PLPP3: variants seen among roughly 807,000 people sequenced by gnomAD.
PLPP3 encodes the protein PAP2 beta.
A neutral mutation model predicts 29.6 loss-of-function variants in PLPP3; 6 were observed. The observed-to-expected ratio is 0.20, with a 90% CI of 0.11 to 0.40. PLPP3 has a LOEUF of 0.40. Ranked by LOEUF, PLPP3 falls within the 10% of genes least tolerant of loss-of-function variation. PLPP3 has a pLI of 1.00. For missense variants in PLPP3, 308 were observed against 407.7 expected (o/e 0.76, Z 2.11); for synonymous variants, 152 against 159.7 (o/e 0.95, Z 0.36).
At chr1:56,576,139 A>G (rs1455823592) in intron 1 of PLPP3, among the ~76,000 whole-genome samples, 1 of 152,196 alleles carries the variant, frequency 6.6e-6, no homozygotes, top group Non-Finnish European at 1.5e-5. Context: ...TATGTGAAAC[A>G]AGTTAAACTA....
chr1:56,549,222 T>C (rs1331154281), intron 1 of PLPP3, among the ~76,000 whole-genome samples: 3 of 152,194 alleles, frequency 2.0e-5, no homozygotes, highest in East Asian at 3.8e-4. Flanking sequence ...TTCTATTCTG[T>C]GTGGCCGTTC....
intron 4 of PLPP3, among the ~76,000 whole-genome samples, chr1:56,519,117 G>A (rs1000176281): frequency 6.6e-6 from 1 of 152,068 alleles, no homozygotes; most frequent in African/African-American, 2.4e-5. Context: ...GAGGAGCTGG[G>A]ACTGATCCCA....
intron 2 of PLPP3, among the ~76,000 whole-genome samples, chr1:56,530,103 TCTTA>T (rs1645877579): frequency 6.6e-6 from 1 of 150,552 alleles, no homozygotes; most frequent in African/African-American, 2.4e-5. Context: ...TACTGCAACC[TCTTA>T]CTCTTTTTTT....
chr1:56,556,990 GAAAGAA>G (rs1171938814), intron 1 of PLPP3, among the ~76,000 whole-genome samples: 1 of 7,472 alleles, frequency 1.3e-4, no homozygotes, highest in African/African-American at 3.5e-4. Context: ...AAGAAAGAAA[GAAAGAA>G]AGAAAGAAAG....
chr1:56,502,782 G>A (rs1645676942), intron 5 of PLPP3, among the ~76,000 whole-genome samples: 1 of 152,172 alleles, frequency 6.6e-6, no homozygotes, highest in African/African-American at 2.4e-5. Flanking sequence ...TCTAGACTGA[G>A]CTAGCTACTC....
At chr1:56,513,467 G>A (rs1645759437) in intron 4 of PLPP3, 1 of 152,626 alleles carries the variant, frequency 6.6e-6, no homozygotes, top group South Asian at 2.1e-4. Context: ...TGGCAGTGCT[G>A]AAGACATGAG....
At chr1:56,568,511 T>TG (rs1646176248) in intron 1 of PLPP3, among the ~76,000 whole-genome samples, 1 of 152,236 alleles carries the variant, frequency 6.6e-6, no homozygotes, top group South Asian at 2.1e-4. Context: ...AAGCATTTAC[T>TG]AATAGATTTC....
intron 1 of PLPP3, among the ~76,000 whole-genome samples, chr1:56,560,151 A>G (rs577074419): frequency 1.3e-5 from 2 of 152,164 alleles, no homozygotes; most frequent in Non-Finnish European, 2.9e-5. Flanking sequence ...CATCTACTCC[A>G]GAAGATTCAA....
intron 1 of PLPP3, among the ~76,000 whole-genome samples, chr1:56,555,158 G>C (rs12137981): frequency 6.1e-4 from 93 of 152,048 alleles, no homozygotes; most frequent in Middle Eastern, 3.4e-3. Context: ...CCACTCACAG[G>C]CTTCAATCTC....
intron 4 of PLPP3, among the ~76,000 whole-genome samples, chr1:56,514,870 G>C (rs998308134): frequency 1.8e-4 from 28 of 152,240 alleles, no homozygotes; most frequent in African/African-American, 6.5e-4. Flanking sequence ...AGCTATATAG[G>C]CCAAAGACTA....
chr1:56,550,091 T>C (rs1005017450), intron 1 of PLPP3, among the ~76,000 whole-genome samples: 11 of 152,158 alleles, frequency 7.2e-5, no homozygotes, highest in African/African-American at 2.6e-4. Flanking sequence ...CCACCAGATA[T>C]TCTATCTTTA....
At chr1:56,574,896 A>C (rs1006265205) in intron 1 of PLPP3, among the ~76,000 whole-genome samples, 3 of 152,236 alleles carry the variant, frequency 2.0e-5, no homozygotes, top group African/African-American at 7.2e-5. Context: ...CTAGAAGGAC[A>C]CTGAAAGATG....
chr1:56,556,573 G>T (rs1479379275), intron 1 of PLPP3, among the ~76,000 whole-genome samples: 2 of 151,882 alleles, frequency 1.3e-5, no homozygotes, highest in East Asian at 1.9e-4. Context: ...CATCAATAAT[G>T]ATAAATTAAT....
intron 1 of PLPP3, among the ~76,000 whole-genome samples, chr1:56,543,930 C>T (rs1400207090): frequency 6.6e-6 from 1 of 152,122 alleles, no homozygotes; most frequent in Non-Finnish European, 1.5e-5. Flanking sequence ...TTCCTGACCC[C>T]AAATCAAGGT....
chr1:56,572,041 T>C (rs1456993934), intron 1 of PLPP3, among the ~76,000 whole-genome samples: 28 of 113,704 alleles, frequency 2.5e-4, no homozygotes, highest in Non-Finnish European at 4.3e-4. Flanking sequence ...CAATCATTTC[T>C]GGTTTTTTTT....
intron 1 of PLPP3, among the ~76,000 whole-genome samples, chr1:56,566,747 G>A (rs142477366): frequency 9.0e-4 from 137 of 152,180 alleles, no homozygotes; most frequent in African/African-American, 3.0e-3. Flanking sequence ...TAATATTTGA[G>A]GTTTAATTTT....
rs751819679 is a variant in PLPP3 at position 56,524,535 on chromosome 1, T to C, written c.317A>G (p.Tyr106Cys). 2 of 1,610,462 alleles carry C rather than the reference T, an allele frequency of 1.2e-6. No individual in the cohort carries two copies. The highest frequency in any genetic ancestry group is 4.5e-5 in the East Asian group (2 of 44,758). ...CGACTTCTTCAGGTAATAGATCCGG[T>C]AGAATTCCCCCGTGATGATCTAAAA... ...AILAIITGEF[Y>C]RIYYLKKSRS... The change falls in exon 3 of 6, where the codon TAC (tyrosine) becomes TGC (cysteine). Residue 106 changes from tyrosine (Y) to cysteine (C), a missense_variant. Around this residue, in one of 3 missense-constraint regions of PLPP3, gnomAD observed 232 missense variants for 317.2 expected, o/e 0.73. Transcript: ENST00000371250. The surrounding 1 kb of genome is among the most constrained non-coding windows in gnomAD (Gnocchi z 4.3).
At chr1:56,549,108 G>A (rs952007326) in intron 1 of PLPP3, among the ~76,000 whole-genome samples, 3 of 152,186 alleles carry the variant, frequency 2.0e-5, no homozygotes, top group African/African-American at 7.2e-5. Context: ...AGATGTTAAT[G>A]TTGTTAAATC....
rs1645625869 is a variant in PLPP3 at position 56,495,530 on chromosome 1, T to C, written c.*1021A>G. 1 of 152,746 alleles carries C rather than the reference T, an allele frequency of 6.5e-6. No homozygotes were observed. Among genetic ancestry groups the C allele is most frequent in the African/African-American group, 2.4e-5 (1 of 41,470 alleles). The allele number at this position is 152,746 out of a possible 1,614,324, so 9.5% of individuals were successfully genotyped here. ...CTCTGTCATCCTGAAGGGTAACCTCTCATGCATGAGACTGCCTGCTTCTCT... is the reference window on the plus strand; with the variant it reads ...CTCTGTCATCCTGAAGGGTAACCTCCCATGCATGAGACTGCCTGCTTCTCT... On this transcript the variant is annotated 3_prime_UTR_variant, in exon 6 of 6. Transcript: ENST00000371250.
Sources: allele counts gnomAD v4.1 joint callset (sites outside exome capture counted in the v4.1 genomes callset), GRCh38; gene constraint gnomAD v4.1.1; regional missense constraint gnomAD v4.1.1; non-coding constraint Gnocchi (gnomAD v3.1); transcripts MANE v1.5; gene names NCBI Gene and HGNC (gene_info 2026-07-23, HGNC 2026-07-21).